The following RNH1 variants were observed in gnomAD, a reference collection of about 807,000 sequenced individuals.
The protein encoded by RNH1 is ribonuclease/angiogenin inhibitor 1, also known as ribonuclease inhibitor.
RNH1 carries 38 observed loss-of-function variants against 46.1 expected under a neutral mutation model. That is an observed-to-expected ratio of 0.82 (90% confidence interval 0.64 to 1.08). The LOEUF (loss-of-function observed/expected upper bound fraction) is 1.08, where lower values mean the gene tolerates loss of function less well. RNH1 is among the 50% of genes least tolerant of loss of function. The pLI is 0.00. For missense variants in RNH1, 577 were observed against 590.7 expected (o/e 0.98, Z 0.24); for synonymous variants, 319 against 279.1 (o/e 1.14, Z -1.43).
intron 9 of RNH1, among the ~76,000 whole-genome samples, chr11:497,211 T>TCACA (rs35088321): frequency 0.34 from 44,463 of 130,030 alleles, 7,079 homozygotes; most frequent in African/African-American, 0.42. Flanking sequence ...ACCCATGTGC[T>TCACA]CACGTACTCT....
rs575355184 is a variant in RNH1, at chr11:502,830, C to G, written c.-87-581G>C. On this transcript the variant is annotated intron_variant, in intron 2 of 10. Coordinates refer to ENST00000354420, the MANE Select transcript of RNH1 (RefSeq NM_203387.3). The surrounding 1 kb of genome is among the most constrained non-coding windows in gnomAD (Gnocchi z 5.8). ...CACCAGGCTACAGCACATCCCCTGC[C>G]CCACGGCACACTAGCCCAGAGGCTG... The G allele has an allele frequency of 6.5e-6, 1 of 153,072 alleles. No homozygotes were observed. Among genetic ancestry groups the G allele is most frequent in the East Asian group, 1.9e-4 (1 of 5,194 alleles). 9.5% of individuals were successfully genotyped at this position (153,072 alleles called of 1,614,324 possible). A position where few individuals can be genotyped will look rare whatever the true frequency, so the allele number is the denominator to read the frequency against.
At chr11:496,801 A>C (rs532869708) in intron 9 of RNH1, among the ~76,000 whole-genome samples, 25 of 152,390 alleles carry the variant, frequency 1.6e-4, no homozygotes, top group Admixed American at 9.1e-4. Context: ...AAGCTGCAAA[A>C]GAACGTGCTT....
In RNH1 at chr11:498,055, A is replaced by G. The variant is rs372343001; in HGVS notation, c.1043T>C (p.Ile348Thr). 6.2e-7 allele frequency: 1 copy of G among 1,614,014 alleles called. No homozygotes were observed. Among genetic ancestry groups the G allele is most frequent in the Non-Finnish European group, 8.5e-7 (1 of 1,180,040 alleles). The change falls in exon 9 of 11, where the codon ATA (isoleucine) becomes ACA (threonine). Residue 348 changes from isoleucine (I) to threonine (T), a missense_variant. Coordinates refer to ENST00000354420, the MANE Select transcript of RNH1 (RefSeq NM_203387.3). ...CGCATCCTCCAGCCTGTTGTTGCTT[A>G]TCTGTAGCTCCAGGAGAAACCTGTT... ...AQNRFLLELQ[I>T]SNNRLEDAGV...
chr11:500,715 A>G (rs745871112), intron 3 of RNH1, 61 bp from the exon 4 acceptor site: 1 of 1,570,898 alleles, frequency 6.4e-7, no homozygotes, highest in Non-Finnish European at 8.6e-7. Flanking sequence ...AGCCTCCACC[A>G]CCACCCCACG....
rs752431319 is a variant in RNH1, at chr11:502,178, T to C, written c.-16A>G. 3 of 1,592,226 alleles carry C rather than the reference T, an allele frequency of 1.9e-6. No homozygotes were observed. Among genetic ancestry groups the C allele is most frequent in the South Asian group, 2.2e-5 (2 of 89,270 alleles). On this transcript the variant is annotated 5_prime_UTR_variant, in exon 3 of 11. Coordinates refer to ENST00000354420, the MANE Select transcript of RNH1 (RefSeq NM_203387.3). The surrounding 1 kb of genome is among the most constrained non-coding windows in gnomAD (Gnocchi z 5.8). ...CCAGGCTCATGGTGGAGGTGAAGAG[T>C]GGCCTGGGTGGGAGGCAGAGGGAAG... is the stretch of plus-strand genomic sequence containing the variant.
In RNH1 at chr11:497,988, A is replaced by C; in HGVS notation, c.1110T>G (p.Ser370=). ...ELCQGLGQPG[S]VLRVLWLADC... is the part of the protein sequence containing the mutation. ...ACACTCACCAGAGCACCCGCAGCAC[A>C]GAGCCAGGCTGGCCCAGGCCCTGGC... Residue 370 remains serine, a synonymous_variant, in exon 9 of 11, where the codon TCT becomes TCG. Coordinates refer to ENST00000354420, the MANE Select transcript of RNH1 (RefSeq NM_203387.3). 1 of 1,613,766 alleles carries C rather than the reference A, an allele frequency of 6.2e-7. No homozygotes were observed. Among genetic ancestry groups the C allele is most frequent in the Non-Finnish European group, 8.5e-7 (1 of 1,179,848 alleles).
chr11:506,846 G>C (rs1850316860), intron 1 of RNH1: 1 of 152,412 alleles, frequency 6.6e-6, no homozygotes, highest in South Asian at 2.1e-4. Flanking sequence ...AGGACTTCCG[G>C]CAAGCCCCAA....
intron 1 of RNH1, chr11:506,471 A>T (rs1252464161): frequency 6.6e-6 from 1 of 152,102 alleles, no homozygotes; most frequent in Non-Finnish European, 1.5e-5. Context: ...CATTCCAGTT[A>T]TGTTGCTCTC....
intron 1 of RNH1, chr11:505,455 G>A (rs2133933526): frequency 6.6e-6 from 1 of 152,336 alleles, no homozygotes; most frequent in South Asian, 2.1e-4. Context: ...ATGGAAGAAG[G>A]TGGCCTCTAG....
rs886901206 is a variant in RNH1 at position 502,459 on chromosome 11, C to A, written c.-87-210G>T. The A allele has an allele frequency of 4.2e-6, 2 of 479,198 alleles. No individual in the cohort carries two copies. The highest frequency in any genetic ancestry group is 1.9e-5 in the African/African-American group (1 of 51,736). The allele number at this position is 479,198 out of a possible 1,614,324, so 29.7% of individuals were successfully genotyped here. ...AGATGCCAGCCCATCTCCTGGCTAT[C>A]ACCACCCAGCCTCTGTGGGCACCTC... On this transcript the variant is annotated intron_variant, in intron 2 of 10. Coordinates refer to ENST00000354420, the MANE Select transcript of RNH1 (RefSeq NM_203387.3). The surrounding 1 kb of genome is among the most constrained non-coding windows in gnomAD (Gnocchi z 5.8).
chr11:496,297 G>A (rs1469835367), intron 9 of RNH1, among the ~76,000 whole-genome samples: 1 of 152,190 alleles, frequency 6.6e-6, no homozygotes, highest in Non-Finnish European at 1.5e-5. Flanking sequence ...ACTTTGGGAG[G>A]CTGAGGCAGG....
chr11:498,353 T>C (rs1849364993), intron 8 of RNH1, 104 bp downstream of exon 8: 4 of 1,473,676 alleles, frequency 2.7e-6, no homozygotes, highest in Admixed American at 1.9e-5. Context: ...AGGTCGGAGC[T>C]GAGCCCAGCA....
chr11:502,150 T>C lies in RNH1; in HGVS notation c.13A>G (p.Ile5Val). 1.2e-6 allele frequency: 2 copies of C among 1,607,460 alleles called. No homozygotes were observed. The highest frequency in any genetic ancestry group is 1.1e-5 in the South Asian group (1 of 90,180). The change falls in exon 3 of 11, where the codon ATC (isoleucine) becomes GTC (valine). Residue 5 changes from isoleucine (I) to valine (V), a missense_variant. Transcript: ENST00000354420. This position sits in a 1 kb window ranked among gnomAD's most constrained non-coding sequence, Gnocchi z 5.8. The part of the protein sequence containing the change: MSLD[I>V]QSLDIQCEEL... ...TCACACTGGATGTCCAGGCTCTGGA[T>C]GTCCAGGCTCATGGTGGAGGTGAAG...
rs780829296 is a variant in RNH1 at position 499,861 on chromosome 11, G to T, written c.411C>A (p.Leu137=). 8 of 1,612,182 alleles carry T rather than the reference G, an allele frequency of 5.0e-6. No individual in the cohort carries two copies. The African/African-American group carries it at 1.1e-4, about 22-fold the overall frequency. The part of the protein sequence containing the change: ...DAGLQLLCEG[L]LDPQCRLEKL... ...TTTCCAGGCGGCACTGGGGGTCCAG[G>T]AGTCCTTCGCAGAGCAGCTGCAGGC... The change falls in exon 5 of 11, where the codon CTC becomes CTA. Residue 137 remains leucine, a synonymous_variant. Transcript: ENST00000354420.
At chr11:495,191 G>A in intron 9 of RNH1, 138 bp from the exon 10 acceptor site, 1 of 852,982 alleles carries the variant, frequency 1.2e-6, no homozygotes, top group Non-Finnish European at 1.8e-6. Context: ...CCGTCCCCAA[G>A]GCTCACCGTC....
chr11:494,583 G>A lies in RNH1; in HGVS notation c.*108C>T, dbSNP rs1848864558. The A allele has an allele frequency of 8.6e-6, 8 of 925,320 alleles. No homozygotes were observed. Among genetic ancestry groups the A allele is most frequent in the African/African-American group, 1.7e-5 (1 of 60,066 alleles). 57.3% of individuals were successfully genotyped at this position (925,320 alleles called of 1,614,324 possible). A position where few individuals can be genotyped will look rare whatever the true frequency, so the allele number is the denominator to read the frequency against. ...CTGGCAGAAATAAGCGGATCTGAGC[G>A]TTTCTCTTCAAACCTAGGATATGCA... is the stretch of plus-strand genomic sequence containing the variant. On this transcript the variant is annotated 3_prime_UTR_variant, in exon 11 of 11. Coordinates refer to ENST00000354420, the MANE Select transcript of RNH1 (RefSeq NM_203387.3).
chr11:495,118 A>AGGCCTG (rs1461357722), intron 9 of RNH1, 65 bp from the exon 10 acceptor site: 2 of 1,523,538 alleles, frequency 1.3e-6, no homozygotes, highest in Non-Finnish European at 8.9e-7. Context: ...CCGGCAGAGC[A>AGGCCTG]GGCCTGGGCC....
chr11:502,035 C>T lies in RNH1; in HGVS notation c.101+27G>A, dbSNP rs756965976. ...CCCGCCAGCCTGCCCCACCAGCACC[C>T]CAAGGCCACCCCGAGAGCAAGCGTA... On this transcript the variant is annotated intron_variant, in intron 3 of 10. Coordinates refer to ENST00000354420, the MANE Select transcript of RNH1 (RefSeq NM_203387.3). This position sits in a 1 kb window ranked among gnomAD's most constrained non-coding sequence, Gnocchi z 5.8. 57 of 1,585,512 alleles carry T rather than the reference C, an allele frequency of 3.6e-5. No individual in the cohort carries two copies. Among genetic ancestry groups the T allele is most frequent in the Non-Finnish European group, 4.6e-5 (54 of 1,163,170 alleles).
chr11:498,481 G>A lies in RNH1; in HGVS notation c.932C>T (p.Pro311Leu), dbSNP rs1279496273. ...ARLLCETLLE[P>L]GCQLESLWVK... ...CCACAGCGACTCCAGCTGGCAGCCA[G>A]GTTCCAGCAGGGTCTCACACAGCAG... Residue 311 changes from proline (P) to leucine (L), a missense_variant, in exon 8 of 11, where the codon CCT becomes CTT. Physicochemically the swap from Pro to Leu is moderately conservative, Grantham distance 98. Transcript: ENST00000354420. 5 of 1,613,088 alleles carry A rather than the reference G, an allele frequency of 3.1e-6. No individual in the cohort carries two copies. The East Asian group carries it at 8.9e-5, about 29-fold the overall frequency.
Sources: gnomAD v4.1 joint callset for allele counts (sites outside exome capture counted in the v4.1 genomes callset) on GRCh38, gnomAD v4.1.1 for gene constraint, Gnocchi (gnomAD v3.1) non-coding constraint, MANE v1.5 for transcripts, NCBI Gene and HGNC (gene_info 2026-07-23, HGNC 2026-07-21) for gene names.